Variants in FNDC3B observed in about 807,000 individuals in gnomAD.
FNDC3B encodes the protein fibronectin type III domain containing 3B, also known as fibronectin type III domain-containing protein 3B.
FNDC3B carries 12 observed loss-of-function variants against 151.5 expected under a neutral mutation model. That is an observed-to-expected ratio of 0.08 (90% CI 0.05 to 0.13). The LOEUF is 0.13. FNDC3B is among the 10% of genes least tolerant of loss of function. The pLI, the probability that FNDC3B is intolerant of heterozygous loss-of-function variation, is 1.00. For synonymous variants in FNDC3B, 528 were observed against 549.0 expected (o/e 0.96, Z 0.54); for missense variants, 1,214 against 1,505.3 (o/e 0.81, Z 3.20).
At chr3:172,137,392 C>T (rs1721425048) in intron 3 of FNDC3B, among the ~76,000 whole-genome samples, 2 of 152,158 alleles carry the variant, frequency 1.3e-5, no homozygotes, top group Non-Finnish European at 2.9e-5. Context: ...TAGGGAAGCT[C>T]ACACCTATAA....
intron 3 of FNDC3B, among the ~76,000 whole-genome samples, chr3:172,198,324 T>C (rs541229683): frequency 1.3e-5 from 2 of 152,314 alleles, no homozygotes; most frequent in Non-Finnish European, 1.5e-5. Flanking sequence ...AAACTCTTAG[T>C]GGATAGAGCT....
rs1724778633 is a variant in FNDC3B at position 172,195,557 on chromosome 3, TAACTTA to T, written c.188-31313_188-31308del. Among the ~76,000 whole-genome samples, 3 of 152,372 alleles carry T rather than the reference TAACTTA, an allele frequency of 2.0e-5. No homozygotes were observed. The South Asian group carries it at 6.2e-4, about 32-fold the overall frequency. On this transcript the variant is annotated intron_variant, in intron 3 of 25. Coordinates refer to ENST00000415807, the MANE Select transcript of FNDC3B (RefSeq NM_022763.4). ...AAGTTGTGCTGCTGTTAATTTTGTG[TAACTTA>T]GCTCTCTTCCACATTGTTTTCTCTT...
At chr3:172,321,535 TTTTG>T (rs1487040270) in intron 11 of FNDC3B, 3 of 170,206 alleles carry the variant, frequency 1.8e-5, no homozygotes, top group Non-Finnish European at 3.6e-5. Flanking sequence ...TTGCTTTTGT[TTTTG>T]TTTTGTTTTG....
intron 3 of FNDC3B, among the ~76,000 whole-genome samples, chr3:172,171,668 A>G (rs938793224): frequency 6.7e-6 from 1 of 149,220 alleles, no homozygotes; most frequent in East Asian, 2.0e-4. Flanking sequence ...AGTTCTTTAC[A>G]GCTGAGCAAA....
intron 25 of FNDC3B, among the ~76,000 whole-genome samples, chr3:172,386,987 C>T (rs1735749936): frequency 6.6e-6 from 1 of 151,988 alleles, no homozygotes; most frequent in African/African-American, 2.4e-5. Context: ...GATGGAGTCT[C>T]GCTCTGTCGC....
chr3:172,108,406 C>G (rs1399625983), intron 1 of FNDC3B, among the ~76,000 whole-genome samples: 1 of 152,202 alleles, frequency 6.6e-6, no homozygotes, highest in Non-Finnish European at 1.5e-5. Context: ...TTAAAGTTAA[C>G]TGTATGGATG....
At chr3:172,181,423 A>AAAAAAAAAAAAAAAAAAAAAAAAC (rs1723898907) in intron 3 of FNDC3B, among the ~76,000 whole-genome samples, 1 of 151,302 alleles carries the variant, frequency 6.6e-6, no homozygotes, top group African/African-American at 2.4e-5. Context: ...AACAAAAAAA[A>AAAAAAAAAAAAAAAAAAAAAAAAC]ACACCTTTAG....
At chr3:172,371,148 C>G (rs755596555) in intron 23 of FNDC3B, among the ~76,000 whole-genome samples, 2 of 151,864 alleles carry the variant, frequency 1.3e-5, no homozygotes, top group South Asian at 2.1e-4. Context: ...CATGGAAGCT[C>G]CAGTCCCTTA....
chr3:172,057,249 T>C (rs1430575858), intron 1 of FNDC3B, among the ~76,000 whole-genome samples: 2 of 152,158 alleles, frequency 1.3e-5, no homozygotes, highest in Admixed American at 6.5e-5. Context: ...AGCTCTGCCT[T>C]TCATCTCTGG....
intron 23 of FNDC3B, among the ~76,000 whole-genome samples, chr3:172,365,135 T>A (rs1412837641): frequency 6.6e-6 from 1 of 152,206 alleles, no homozygotes; most frequent in Non-Finnish European, 1.5e-5. Flanking sequence ...GAGAAACAAT[T>A]TGAGTTGGAT....
At chr3:172,381,625 C>T (rs375554573) in intron 25 of FNDC3B, among the ~76,000 whole-genome samples, 1 of 151,988 alleles carries the variant, frequency 6.6e-6, no homozygotes, top group East Asian at 1.9e-4. Context: ...CCCCTTGCCC[C>T]CCACCCCCTG....
intron 6 of FNDC3B, among the ~76,000 whole-genome samples, chr3:172,281,211 ATTTATATTTATTTATTTATTTAT>A (rs376515725): frequency 0.11 from 14,440 of 134,948 alleles, 796 homozygotes; most frequent in African/African-American, 0.16. Flanking sequence ...TATTATTATT[ATTTATATTTATTTATTTATTTAT>A]TTATTTATTT....
At chr3:172,259,421 C>A (rs1054034587) in intron 6 of FNDC3B, among the ~76,000 whole-genome samples, 6 of 152,118 alleles carry the variant, frequency 3.9e-5, no homozygotes, top group African/African-American at 1.4e-4. Context: ...GGGCCGAGCG[C>A]ACTTGAACGC....
chr3:172,266,308 A>G (rs540195082), intron 6 of FNDC3B, among the ~76,000 whole-genome samples: 15 of 152,216 alleles, frequency 9.9e-5, no homozygotes, highest in Admixed American at 3.3e-4. Flanking sequence ...GTTTCCTGTG[A>G]CTAACAAATC....
chr3:172,315,581 C>G (rs1231665280), intron 11 of FNDC3B, among the ~76,000 whole-genome samples: 1 of 152,128 alleles, frequency 6.6e-6, no homozygotes, highest in Non-Finnish European at 1.5e-5. Context: ...GATTTTTAGC[C>G]GCTTTCCTCC....
intron 10 of FNDC3B, among the ~76,000 whole-genome samples, chr3:172,310,471 T>A (rs1405738854): frequency 6.6e-6 from 1 of 152,210 alleles, no homozygotes; most frequent in Admixed American, 6.5e-5. Context: ...AGTGCCTGTG[T>A]TTCTCAGCTG....
intron 1 of FNDC3B, among the ~76,000 whole-genome samples, chr3:172,045,274 C>T (rs1716304200): frequency 6.6e-6 from 1 of 152,170 alleles, no homozygotes; most frequent in African/African-American, 2.4e-5. Flanking sequence ...TTACCCCACT[C>T]CTAATGGAAT....
intron 7 of FNDC3B, 103 bp from the exon 8 acceptor site, chr3:172,295,260 A>G: frequency 9.5e-7 from 1 of 1,047,828 alleles, no homozygotes; most frequent in Non-Finnish European, 1.4e-6. Context: ...TAATTAAACT[A>G]GTTTACCTTG....
chr3:172,256,450 T>G lies in FNDC3B; in HGVS notation c.790+4909T>G, dbSNP rs529498172. Among the ~76,000 whole-genome samples, 5 of 152,362 alleles carry G rather than the reference T, an allele frequency of 3.3e-5. No individual in the cohort carries two copies. The South Asian group carries it at 1.0e-3, about 32-fold the overall frequency. ...GTTCAAGGACAGGAATGGAAAAATT[T>G]GTTCTTGTGTACGGAGTATTATGCA... On this transcript the variant is annotated intron_variant, in intron 6 of 25. Coordinates refer to ENST00000415807, the MANE Select transcript of FNDC3B (RefSeq NM_022763.4).
Sources: gnomAD v4.1 joint callset for allele counts (sites outside exome capture counted in the v4.1 genomes callset) on GRCh38, gnomAD v4.1.1 for gene constraint, MANE v1.5 for transcripts, NCBI Gene and HGNC (gene_info 2026-07-23, HGNC 2026-07-21) for gene names.